The following ITPRID1 variants were observed in gnomAD, a reference collection of about 807,000 sequenced individuals.
The protein encoded by ITPRID1 is ITPR interacting domain containing 1.
A neutral mutation model predicts 95.4 loss-of-function variants in ITPRID1; 96 were observed. That is an observed-to-expected ratio of 1.01 (90% CI 0.85 to 1.19). ITPRID1 has a LOEUF of 1.19. Ranked by LOEUF, ITPRID1 falls within the 50% of genes most tolerant of loss-of-function variation. The pLI is 0.00. For synonymous variants in ITPRID1, 510 were observed against 453.6 expected, an observed-to-expected ratio of 1.12 and a Z score of -1.58; for missense variants, 1,339 against 1,252.9, an observed-to-expected ratio of 1.07 and a Z score of -1.04.
chr7:31,657,092 TG>T (rs1256305557), downstream of ITPRID1, among the ~76,000 whole-genome samples: 1 of 5,072 alleles, frequency 2.0e-4, no homozygotes, highest in Non-Finnish European at 4.2e-4. Flanking sequence ...ATTTTATATA[TG>T]ATATATATAA....
intron 10 of ITPRID1, among the ~76,000 whole-genome samples, chr7:31,585,652 A>T (rs1255378383): frequency 6.6e-6 from 1 of 152,100 alleles, no homozygotes; most frequent in Non-Finnish European, 1.5e-5. Context: ...TACTAACATG[A>T]TAAGGTAAAA....
intron 10 of ITPRID1, among the ~76,000 whole-genome samples, chr7:31,584,991 T>C (rs763699226): frequency 6.6e-6 from 1 of 152,228 alleles, no homozygotes; most frequent in Non-Finnish European, 1.5e-5. Context: ...ACCCAGCCCC[T>C]ATGTTGTGCA....
In ITPRID1 at chr7:31,601,141, T is replaced by G. The variant is rs1786377983; in HGVS notation, c.1228+17950T>G. Among the ~76,000 whole-genome samples the G allele has an allele frequency of 2.0e-5, 3 of 152,124 alleles. No individual in the cohort carries two copies. In the South Asian group the frequency reaches 6.2e-4, roughly 32 times the overall value. On this transcript the variant is annotated intron_variant, in intron 10 of 14. Coordinates refer to ENST00000615280, the MANE Select transcript of ITPRID1 (RefSeq NM_001257967.3). ...GTATCAGAAGAAATCAATTACTTAT[T>G]GAATTACAATTGTGATAAGTGTCAG...
chr7:31,612,809 A>G (rs1293318096), intron 10 of ITPRID1, among the ~76,000 whole-genome samples: 1 of 152,168 alleles, frequency 6.6e-6, no homozygotes, highest in Non-Finnish European at 1.5e-5. Flanking sequence ...TTTCTTGGGC[A>G]TGAACACAGC....
At chr7:31,599,607 TTC>T (rs72261813) in intron 10 of ITPRID1, among the ~76,000 whole-genome samples, 47,350 of 124,126 alleles carry the variant, frequency 0.38, 10,712 homozygotes, top group East Asian at 0.51. Flanking sequence ...CTTTCTTTCT[TTC>T]TTTCTTTCTT....
chr7:31,574,728 A>T lies in ITPRID1; in HGVS notation c.584A>T (p.Asn195Ile), dbSNP rs371060962. 3.1e-6 allele frequency: 5 copies of T among 1,613,592 alleles called. No individual in the cohort carries two copies. Among genetic ancestry groups the T allele is most frequent in the Non-Finnish European group, 4.2e-6 (5 of 1,179,784 alleles). The change falls in exon 8 of 15, where the codon AAC becomes ATC. Residue 195 changes from asparagine to isoleucine, a missense_variant. Asn to Ile is a moderately radical substitution (Grantham distance 149). Transcript: ENST00000615280. ...EAQKQRMDIE[N>I]PNLYGRFRQL... ...CAAAAGCAGCGAATGGACATTGAGA[A>T]CCCCAACTTGTACGGTAAGCGAGGT...
intron 1 of ITPRID1, among the ~76,000 whole-genome samples, chr7:31,519,734 G>C (rs892299873): frequency 7.4e-5 from 11 of 149,092 alleles, no homozygotes; most frequent in Non-Finnish European, 1.2e-4. Context: ...CTCAGAGTTG[G>C]AGTAGGTTTA....
chr7:31,646,588 C>A (rs1043659581), intron 12 of ITPRID1, among the ~76,000 whole-genome samples: 3 of 152,148 alleles, frequency 2.0e-5, no homozygotes, highest in African/African-American at 7.2e-5. Context: ...TCTTCTTATT[C>A]CTCCTTCCTA....
In ITPRID1 at chr7:31,643,580, G is replaced by A; in HGVS notation, c.2210G>A (p.Cys737Tyr). 1.2e-6 allele frequency: 2 copies of A among 1,614,052 alleles called. No individual in the cohort carries two copies. The highest frequency in any genetic ancestry group is 1.7e-6 in the Non-Finnish European group (2 of 1,179,900). Residue 737 changes from cysteine to tyrosine, a missense_variant, in exon 12 of 15, where the codon TGC becomes TAC. Coordinates refer to ENST00000615280, the MANE Select transcript of ITPRID1 (RefSeq NM_001257967.3). ...GTGPRGTSLE[C>Y]TVCDPVTATE... The stretch of plus-strand genomic sequence containing the variant: ...GGTCCCAGAGGAACATCTTTAGAAT[G>A]CACTGTGTGTGATCCTGTTACCGCA...
At position 31,643,707 on chromosome 7, in the gene ITPRID1, C is replaced by T. The variant is rs745547915; in HGVS notation, c.2337C>T (p.Leu779=). 5 of 1,614,088 alleles carry T rather than the reference C, an allele frequency of 3.1e-6. No individual in the cohort carries two copies. In the South Asian group the frequency reaches 4.4e-5, roughly 14 times the overall value. Reference sequence around the variant, plus strand: ...CCTTGACACATGGGCCCCAGCCCCTCACCAAATCCGTCTCTCTAGACTCAG... The same window carrying T: ...CCTTGACACATGGGCCCCAGCCCCTTACCAAATCCGTCTCTCTAGACTCAG... ...NKTLTHGPQP[L]TKSVSLDSGF... The change falls in exon 12 of 15, where the codon CTC becomes CTT. Residue 779 remains leucine, a synonymous_variant. Coordinates refer to ENST00000615280, the MANE Select transcript of ITPRID1 (RefSeq NM_001257967.3).
intron 1 of ITPRID1, among the ~76,000 whole-genome samples, chr7:31,521,366 G>T (rs971000917): frequency 3.3e-5 from 5 of 152,038 alleles, no homozygotes; most frequent in African/African-American, 9.7e-5. Flanking sequence ...TGAGTATCTT[G>T]AGATTTTCTA....
Position 31,550,420 on chromosome 7 carries a change from G to T in ITPRID1, c.-24+921G>T, listed in dbSNP as rs909930514. Among the ~76,000 whole-genome samples, 8 of 152,206 alleles carry T rather than the reference G, an allele frequency of 5.3e-5. No individual in the cohort carries two copies. In the East Asian group the frequency reaches 5.8e-4, roughly 11 times the overall value. ...AATTAGCAAGAACTAGGTTCGAAAT[G>T]GTCCTTGGGGCGGACAGACTAACTA... On this transcript the variant is annotated intron_variant, in intron 2 of 14. Transcript: ENST00000615280.
chr7:31,538,815 G>A (rs560163022), intron 1 of ITPRID1, among the ~76,000 whole-genome samples: 1 of 152,292 alleles, frequency 6.6e-6, no homozygotes, highest in African/African-American at 2.4e-5. Flanking sequence ...TTTCTCCACT[G>A]CAAAGTTATT....
At chr7:31,632,240 C>G (rs10278930) in intron 10 of ITPRID1, among the ~76,000 whole-genome samples, 1 of 151,862 alleles carries the variant, frequency 6.6e-6, no homozygotes, top group Non-Finnish European at 1.5e-5. Context: ...TGAGGTCAGG[C>G]GATCAAGACC....
At chr7:31,628,550 C>A (rs1373091655) in intron 10 of ITPRID1, among the ~76,000 whole-genome samples, 1 of 151,702 alleles carries the variant, frequency 6.6e-6, no homozygotes, top group East Asian at 1.9e-4. Flanking sequence ...CTCTGCTTCC[C>A]GGGTTCACGC....
intron 1 of ITPRID1, among the ~76,000 whole-genome samples, chr7:31,533,023 A>C (rs1783649443): frequency 1.3e-5 from 2 of 152,204 alleles, no homozygotes; most frequent in Admixed American, 1.3e-4. Flanking sequence ...GTGTTATACA[A>C]GGAATTGAAA....
At chr7:31,576,036 A>G (rs1446057198) in intron 8 of ITPRID1, among the ~76,000 whole-genome samples, 1 of 152,192 alleles carries the variant, frequency 6.6e-6, no homozygotes, top group East Asian at 1.9e-4. Context: ...TTTCGGGAGA[A>G]TAATGTCATT....
At chr7:31,619,076 T>G (rs1169596931) in intron 10 of ITPRID1, among the ~76,000 whole-genome samples, 1 of 152,228 alleles carries the variant, frequency 6.6e-6, no homozygotes, top group East Asian at 1.9e-4. Context: ...TTCTTTCAAT[T>G]TGTAAAGCAT....
chr7:31,658,462 G>A, downstream of ITPRID1: 1 of 1,351,332 alleles, frequency 7.4e-7, no homozygotes, highest in Non-Finnish European at 9.6e-7. Flanking sequence ...TAGAACATTT[G>A]TAAAGAGGTT....
Sources: allele counts gnomAD v4.1 joint callset (sites outside exome capture counted in the v4.1 genomes callset), GRCh38; gene constraint gnomAD v4.1.1; transcripts MANE v1.5; gene names NCBI Gene and HGNC (gene_info 2026-07-23, HGNC 2026-07-21).